The following PDCD4 variants were observed in gnomAD, a reference collection of about 807,000 sequenced individuals.
The protein encoded by PDCD4 is programmed cell death 4.
Under a neutral mutation model 54.0 loss-of-function variants are expected in PDCD4, and 56 were observed. The observed-to-expected ratio is 1.04, with a 90% CI of 0.84 to 1.30. The LOEUF is 1.30. Among genes scored for constraint, PDCD4 ranks in the 50% most tolerant of loss-of-function variants. The pLI, the probability that PDCD4 is intolerant of heterozygous loss-of-function variation, is 0.00. For missense variants in PDCD4, 584 were observed against 559.8 expected (o/e 1.04, Z -0.44); for synonymous variants, 186 against 194.8 (o/e 0.95, Z 0.37).
chr10:110,897,855 T>A lies in PDCD4; in HGVS notation c.1350-173T>A, dbSNP rs945770201. 2.6e-5 allele frequency among the ~76,000 whole-genome samples: 4 copies of A among 151,858 alleles called. No individual in the cohort carries two copies. The East Asian group carries it at 7.7e-4, about 29-fold the overall frequency. On this transcript the variant is annotated intron_variant, in intron 11 of 11. Coordinates refer to ENST00000280154, the MANE Select transcript of PDCD4 (RefSeq NM_014456.5). ...TTGATATTGATGTTTTATGCTAAGATATATAGTAGGGAGTCTTTTCCAAAG... is the reference window on the plus strand; with the variant it reads ...TTGATATTGATGTTTTATGCTAAGAAATATAGTAGGGAGTCTTTTCCAAAG...
chr10:110,894,189 T>C lies in PDCD4; in HGVS notation c.1089T>C (p.Leu363=). 1 of 1,568,336 alleles carries C rather than the reference T, an allele frequency of 6.4e-7. No individual in the cohort carries two copies. Among genetic ancestry groups the C allele is most frequent in the Non-Finnish European group, 8.8e-7 (1 of 1,138,704 alleles). Residue 363 remains leucine, a synonymous_variant, in exon 9 of 12, where the codon CTT becomes CTC. Coordinates refer to ENST00000280154, the MANE Select transcript of PDCD4 (RefSeq NM_014456.5). The part of the protein sequence containing the change: ...ELEVPHFHHE[L]VYEAIIMVLE... ...AAGTACCTCATTTTCACCATGAGCT[T>C]GTATATGAAGTAAGATTACCTTGCC...
intron 8 of PDCD4, among the ~76,000 whole-genome samples, chr10:110,891,517 A>T (rs933736979): frequency 6.6e-6 from 1 of 152,062 alleles, no homozygotes; most frequent in Non-Finnish European, 1.5e-5. Context: ...AGAAACCAAA[A>T]AACAGAAAAA....
At position 110,898,761 on chromosome 10, in the gene PDCD4, A is replaced by G. The variant is rs1029257908; in HGVS notation, c.*673A>G. The G allele has an allele frequency of 1.3e-5, 2 of 152,574 alleles. No homozygotes were observed. The highest frequency in any genetic ancestry group is 4.8e-5 in the African/African-American group (2 of 41,436). The allele number at this position is 152,574 out of a possible 1,614,324, so 9.5% of individuals were successfully genotyped here. A position where few individuals can be genotyped will look rare whatever the true frequency, so the allele number is the denominator to read the frequency against. On this transcript the variant is annotated 3_prime_UTR_variant, in exon 12 of 12. Coordinates refer to ENST00000280154, the MANE Select transcript of PDCD4 (RefSeq NM_014456.5). ...AGTATTGATTCTTTATTGGGAGTAC[A>G]TTTTTTTAGGTCTCTTAAACTTTAA...
At chr10:110,890,513 G>A (rs998121353) in intron 7 of PDCD4, 43 bp from the exon 8 acceptor site, 5 of 1,104,130 alleles carry the variant, frequency 4.5e-6, no homozygotes, top group Non-Finnish European at 6.7e-6. Flanking sequence ...TAAACTTTAG[G>A]TATGTCCAGC....
At chr10:110,876,673 A>G (rs549045352) in intron 2 of PDCD4, 29 of 1,120,744 alleles carry the variant, frequency 2.6e-5, no homozygotes, top group African/African-American at 8.1e-5. Context: ...TACCTAGGGT[A>G]TTTTCCCTAA....
At chr10:110,879,987 T>C (rs1403049229) in intron 2 of PDCD4, among the ~76,000 whole-genome samples, 1 of 152,230 alleles carries the variant, frequency 6.6e-6, no homozygotes, top group Non-Finnish European at 1.5e-5. Flanking sequence ...TAATTATCTT[T>C]AGGCATATAG....
intron 2 of PDCD4, among the ~76,000 whole-genome samples, chr10:110,880,966 A>G (rs1845581098): frequency 6.6e-6 from 1 of 152,190 alleles, no homozygotes; most frequent in Non-Finnish European, 1.5e-5. Context: ...TTTGGTAAAA[A>G]CAAACAAATT....
At chr10:110,889,806 A>G (rs193000434) in intron 7 of PDCD4, among the ~76,000 whole-genome samples, 176 bp downstream of exon 7, 85 of 152,320 alleles carry the variant, frequency 5.6e-4, no homozygotes, top group Middle Eastern at 3.4e-3. Context: ...AGAGGACAGT[A>G]CTATAATGGA....
At chr10:110,873,667 G>T (rs1306115907) in intron 1 of PDCD4, among the ~76,000 whole-genome samples, 1 of 152,076 alleles carries the variant, frequency 6.6e-6, no homozygotes, top group Non-Finnish European at 1.5e-5. Flanking sequence ...TTTCTTGTTT[G>T]GGCCAATTAA....
intron 1 of PDCD4, among the ~76,000 whole-genome samples, chr10:110,872,698 C>T (rs1053921646): frequency 6.6e-6 from 1 of 152,244 alleles, no homozygotes; most frequent in East Asian, 1.9e-4. Context: ...CCTGCGCGAA[C>T]TTCGTCGCGC....
chr10:110,887,610 G>A (rs1221283275), intron 5 of PDCD4, 55 bp from the exon 6 acceptor site: 1 of 1,251,418 alleles, frequency 8.0e-7, no homozygotes, highest in Non-Finnish European at 1.1e-6. Flanking sequence ...AAATTTTATT[G>A]AACTATAGGT....
chr10:110,885,130 G>T, intron 4 of PDCD4, 123 bp from the exon 5 acceptor site: 2 of 573,704 alleles, frequency 3.5e-6, no homozygotes, highest in South Asian at 4.4e-5. Flanking sequence ...AATGTATGTA[G>T]CATGTCTTTG....
chr10:110,895,950 T>G lies in PDCD4; in HGVS notation c.1212T>G (p.Gly404=), dbSNP rs1357737772. Residue 404 remains glycine (G), a splice_region_variant and synonymous_variant, in exon 11 of 12, where the codon GGT becomes GGG. Transcript: ENST00000280154. ...STITVDQMKR[G]YERIYNEIPD... is the part of the protein sequence containing the mutation. The stretch of plus-strand genomic sequence containing the variant: ...TGCATGTAATTTCATTGTTGTAGGG[T>G]TATGAGAGAATTTACAATGAAATTC... The G allele has an allele frequency of 6.3e-7, 1 of 1,596,368 alleles. No homozygotes were observed. Among genetic ancestry groups the G allele is most frequent in the South Asian group, 1.1e-5 (1 of 88,658 alleles).
intron 4 of PDCD4, 174 bp from the exon 5 acceptor site, chr10:110,885,079 A>G (rs1845649124): frequency 2.2e-6 from 1 of 457,060 alleles, no homozygotes; most frequent in Non-Finnish European, 3.9e-6. Context: ...TATAGGTATG[A>G]GTCTCCTTGC....
intron 2 of PDCD4, among the ~76,000 whole-genome samples, chr10:110,878,032 T>G (rs1260845954): frequency 6.6e-6 from 1 of 152,144 alleles, no homozygotes; most frequent in Non-Finnish European, 1.5e-5. Context: ...CATATACAAT[T>G]GGAGTGGTTA....
At position 110,899,280 on chromosome 10, in the gene PDCD4, A is replaced by G. The variant is rs981281339; in HGVS notation, c.*1192A>G. Reference sequence around the variant, plus strand: ...GTACTGTTAGGAGTATACTGCTTACAGGTTTAGATATAGTCTGTTAGAATT... The same window carrying G: ...GTACTGTTAGGAGTATACTGCTTACGGGTTTAGATATAGTCTGTTAGAATT... On this transcript the variant is annotated 3_prime_UTR_variant, in exon 12 of 12. Coordinates refer to ENST00000280154, the MANE Select transcript of PDCD4 (RefSeq NM_014456.5). The G allele has an allele frequency of 1.3e-5, 2 of 152,214 alleles. No homozygotes were observed. The highest frequency in any genetic ancestry group is 2.9e-5 in the Non-Finnish European group (2 of 68,036). 9.4% of individuals were successfully genotyped at this position (152,214 alleles called of 1,614,324 possible). A position where few individuals can be genotyped will look rare whatever the true frequency, so the allele number is the denominator to read the frequency against.
chr10:110,883,300 G>A (rs2135200996), intron 4 of PDCD4, among the ~76,000 whole-genome samples: 1 of 152,146 alleles, frequency 6.6e-6, no homozygotes, highest in South Asian at 2.1e-4. Context: ...ATTCACTTAG[G>A]ATTATTAAGT....
chr10:110,888,997 C>T (rs754409479), intron 6 of PDCD4, among the ~76,000 whole-genome samples: 10 of 151,650 alleles, frequency 6.6e-5, no homozygotes, highest in South Asian at 2.1e-4. Context: ...TTTGGGAGGC[C>T]GAGGCAGGCG....
At position 110,890,545 on chromosome 10, in the gene PDCD4, T is replaced by G; in HGVS notation, c.876-11T>G. 1 of 1,565,254 alleles carries G rather than the reference T, an allele frequency of 6.4e-7. No homozygotes were observed. On this transcript the variant is annotated splice_polypyrimidine_tract_variant and intron_variant, in intron 7 of 11. Coordinates refer to ENST00000280154, the MANE Select transcript of PDCD4 (RefSeq NM_014456.5). Reference sequence around the variant, plus strand: ...CAGCTATCAAACTTAAATTTTTTTCTTTCTCTGTAGAGCTGCTCTGGATAA... The same window carrying G: ...CAGCTATCAAACTTAAATTTTTTTCGTTCTCTGTAGAGCTGCTCTGGATAA...
Sources: allele counts gnomAD v4.1 joint callset (sites outside exome capture counted in the v4.1 genomes callset), GRCh38; gene constraint gnomAD v4.1.1; transcripts MANE v1.5; gene names NCBI Gene and HGNC (gene_info 2026-07-23, HGNC 2026-07-21).